The following FMN1 variants were observed in gnomAD, a reference collection of about 807,000 sequenced individuals.
FMN1 encodes the protein formin 1, also known as formin-1.
In FMN1, 110 loss-of-function variants were observed where a neutral mutation model predicts 132.4. That is an observed-to-expected ratio of 0.83 (90% confidence interval 0.71 to 0.97). FMN1 has a LOEUF of 0.97. FMN1 is among the 50% of genes least tolerant of loss of function. The pLI is 0.00. For synonymous variants in FMN1, 722 were observed against 651.7 expected (o/e 1.11, Z -1.64); for missense variants, 1,792 against 1,705.3 (o/e 1.05, Z -0.90).
At chr15:33,046,780 T>C (rs1185430079) in intron 6 of FMN1, among the ~76,000 whole-genome samples, 2 of 152,272 alleles carry the variant, frequency 1.3e-5, no homozygotes, top group Non-Finnish European at 2.9e-5. Flanking sequence ...GTTGAATGAA[T>C]GGTAAAAATC....
intron 5 of FMN1, among the ~76,000 whole-genome samples, chr15:33,079,215 C>T (rs545770955): frequency 3.3e-5 from 5 of 152,048 alleles, no homozygotes; most frequent in African/African-American, 1.2e-4. Context: ...GAATAGGAGA[C>T]GAAGAAATAA....
chr15:33,027,066 C>G (rs994233417), intron 6 of FMN1, among the ~76,000 whole-genome samples: 6 of 151,912 alleles, frequency 3.9e-5, no homozygotes, highest in African/African-American at 1.2e-4. Flanking sequence ...GAAAGCCTAA[C>G]AGACATATTT....
At chr15:32,980,838 C>T (rs1270142668) in intron 7 of FMN1, among the ~76,000 whole-genome samples, 1 of 152,034 alleles carries the variant, frequency 6.6e-6, no homozygotes, top group Non-Finnish European at 1.5e-5. Context: ...TGGCAAAACC[C>T]CATCTCTACT....
intron 11 of FMN1, among the ~76,000 whole-genome samples, chr15:32,909,159 T>TTA (rs1381225580): frequency 1.3e-5 from 2 of 152,238 alleles, no homozygotes; most frequent in African/African-American, 4.8e-5. Context: ...AACCATGTGC[T>TTA]TAGTCCTGAG....
intron 9 of FMN1, among the ~76,000 whole-genome samples, chr15:32,952,410 T>C (rs1163751832): frequency 1.3e-5 from 2 of 152,368 alleles, no homozygotes; most frequent in South Asian, 4.1e-4. Flanking sequence ...TCATTTTATA[T>C]AAATCTTTCT....
At chr15:33,108,143 G>A (rs1332430920) in intron 4 of FMN1, among the ~76,000 whole-genome samples, 1 of 152,038 alleles carries the variant, frequency 6.6e-6, no homozygotes, top group Non-Finnish European at 1.5e-5. Flanking sequence ...GTGTGTGTGT[G>A]TCATGTTTTT....
At position 32,772,518 on chromosome 15, in the gene FMN1, T is replaced by C. The variant is rs2056282918; in HGVS notation, c.*1792A>G. On this transcript the variant is annotated 3_prime_UTR_variant, in exon 21 of 21. Transcript: ENST00000616417. ...TAAGTGAAAATGAAGAGAAACTATG[T>C]AAGAAAGCAGCATAAAAAGCTTCTT... is the stretch of plus-strand genomic sequence containing the variant. 6.6e-6 allele frequency: 1 copy of C among 152,256 alleles called. No individual in the cohort carries two copies. 9.4% of individuals were successfully genotyped at this position (152,256 alleles called of 1,614,324 possible). A position where few individuals can be genotyped will look rare whatever the true frequency, so the allele number is the denominator to read the frequency against.
chr15:32,982,484 A>G (rs2140782060), intron 7 of FMN1, among the ~76,000 whole-genome samples: 1 of 152,340 alleles, frequency 6.6e-6, no homozygotes, highest in Non-Finnish European at 1.5e-5. Flanking sequence ...TGGTAGCTTT[A>G]TCAATAATAG....
chr15:32,939,285 T>C (rs987180092), intron 9 of FMN1, among the ~76,000 whole-genome samples: 16 of 152,190 alleles, frequency 1.1e-4, no homozygotes, highest in Non-Finnish European at 2.1e-4. Context: ...TTTATGTTCA[T>C]TATCAAATCT....
intron 16 of FMN1, among the ~76,000 whole-genome samples, chr15:32,870,295 C>T (rs961750780): frequency 1.2e-4 from 19 of 152,052 alleles, no homozygotes; most frequent in African/African-American, 4.6e-4. Context: ...GAGGTCTAGC[C>T]CTTTACAGAG....
chr15:33,131,785 A>G (rs1178458473), intron 4 of FMN1, among the ~76,000 whole-genome samples: 2 of 152,214 alleles, frequency 1.3e-5, no homozygotes, highest in African/African-American at 2.4e-5. Flanking sequence ...CTTACTAGGT[A>G]AGTGGCCTCT....
chr15:32,924,071 T>G (rs1291549700), intron 10 of FMN1, among the ~76,000 whole-genome samples: 1 of 152,176 alleles, frequency 6.6e-6, no homozygotes, highest in Non-Finnish European at 1.5e-5. Context: ...TTTGTTTTTC[T>G]TTTTTTCCCT....
rs190266711 is a variant in FMN1 at position 33,024,685 on chromosome 15, C to T, written c.2162-16610G>A. Among the ~76,000 whole-genome samples the T allele has an allele frequency of 5.5e-4, 83 of 152,224 alleles. 1 individual carries two copies. Among genetic ancestry groups the T allele is most frequent in the Admixed American group, 4.9e-3 (75 of 15,296 alleles). ...TGACAATATCTACCAAATGTAAAGG[C>T]GCACATAAGTAAAATCAGAAATTCT... On this transcript the variant is annotated intron_variant, in intron 6 of 20. Coordinates refer to ENST00000616417, the MANE Select transcript of FMN1 (RefSeq NM_001277313.2).
At chr15:33,113,611 C>A (rs1252486652) in intron 4 of FMN1, among the ~76,000 whole-genome samples, 1 of 152,094 alleles carries the variant, frequency 6.6e-6, no homozygotes, top group East Asian at 1.9e-4. Context: ...TGTCAGTATA[C>A]GGAGGCACCT....
At chr15:33,169,146 C>T (rs1965220228) in intron 3 of FMN1, among the ~76,000 whole-genome samples, 1 of 152,100 alleles carries the variant, frequency 6.6e-6, no homozygotes, top group Non-Finnish European at 1.5e-5. Context: ...GTTAATTGAG[C>T]TCAATAGAAA....
At chr15:32,948,858 T>C (rs574449707) in intron 9 of FMN1, among the ~76,000 whole-genome samples, 3 of 152,202 alleles carry the variant, frequency 2.0e-5, no homozygotes, top group South Asian at 4.1e-4. Context: ...TTTTAAAATG[T>C]ATTAGGTTAA....
At chr15:32,976,409 G>A (rs1452997521) in intron 7 of FMN1, among the ~76,000 whole-genome samples, 2 of 152,124 alleles carry the variant, frequency 1.3e-5, no homozygotes, top group African/African-American at 4.8e-5. Flanking sequence ...ATGCATACGA[G>A]TTTCTTCTGT....
At chr15:33,027,179 C>G (rs1471079514) in intron 6 of FMN1, among the ~76,000 whole-genome samples, 1 of 152,022 alleles carries the variant, frequency 6.6e-6, no homozygotes, top group Non-Finnish European at 1.5e-5. Flanking sequence ...CCAGAAAATA[C>G]GGACAGCACT....
At chr15:33,073,655 T>C (rs914399128) in intron 5 of FMN1, among the ~76,000 whole-genome samples, 1 of 151,780 alleles carries the variant, frequency 6.6e-6, no homozygotes, top group East Asian at 1.9e-4. Context: ...AGTACAAGAT[T>C]ATGGAATAAT....
Sources: allele counts gnomAD v4.1 joint callset (sites outside exome capture counted in the v4.1 genomes callset), GRCh38; gene constraint gnomAD v4.1.1; transcripts MANE v1.5; gene names NCBI Gene and HGNC (gene_info 2026-07-23, HGNC 2026-07-21).